The following LOXHD1 variants were observed in gnomAD, a reference collection of about 807,000 sequenced individuals.
LOXHD1 encodes the protein lipoxygenase homology domain-containing protein 1.
A neutral mutation model predicts 248.2 loss-of-function variants in LOXHD1; 205 were observed. The ratio of observed to expected loss-of-function variants is 0.83; its 90% CI spans 0.74 to 0.93. LOXHD1 has a LOEUF of 0.93. LOXHD1 is among the 40% of genes least tolerant of loss of function. The pLI is 0.00. For synonymous variants in LOXHD1, 1,113 were observed against 1,162.8 expected, an observed-to-expected ratio of 0.96 and a Z score of 0.87; for missense variants, 2,930 against 2,971.6, an observed-to-expected ratio of 0.99 and a Z score of 0.33.
At chr18:46,592,611 G>A in intron 10 of LOXHD1, 27 bp from the exon 11 acceptor site, 1 of 1,524,666 alleles carries the variant, frequency 6.6e-7, no homozygotes, top group Non-Finnish European at 8.9e-7. Flanking sequence ...AAACATTTGA[G>A]TGGGCATAAC....
At chr18:46,522,674 C>G (rs191526095) in intron 31 of LOXHD1, among the ~76,000 whole-genome samples, 18 of 152,126 alleles carry the variant, frequency 1.2e-4, no homozygotes, top group African/African-American at 4.3e-4. Flanking sequence ...CAAAAAGCTC[C>G]CTATGGTCAA....
intron 13 of LOXHD1, 31 bp downstream of exon 13, chr18:46,579,599 G>C: frequency 6.4e-7 from 1 of 1,551,568 alleles, no homozygotes. Context: ...TGGGAGGAAG[G>C]GGATGAGTGG....
intron 13 of LOXHD1, 112 bp downstream of exon 13, chr18:46,579,518 C>G (rs2037921432): frequency 7.1e-7 from 1 of 1,417,662 alleles, no homozygotes; most frequent in Non-Finnish European, 9.7e-7. Context: ...CTCCTGATGG[C>G]TGAGGCCCCA....
At chr18:46,523,215 G>A (rs1309570105) in intron 31 of LOXHD1, among the ~76,000 whole-genome samples, 1 of 152,168 alleles carries the variant, frequency 6.6e-6, no homozygotes, top group Non-Finnish European at 1.5e-5. Context: ...CCAAAGTGCT[G>A]GGATTACAGG....
At chr18:46,487,150 A>C (rs1357418885) in intron 38 of LOXHD1, among the ~76,000 whole-genome samples, 1 of 152,186 alleles carries the variant, frequency 6.6e-6, no homozygotes, top group Non-Finnish European at 1.5e-5. Context: ...TAGTCACGCA[A>C]AGGAAGAAGC....
chr18:46,500,780 A>G (rs2034175936), intron 37 of LOXHD1, among the ~76,000 whole-genome samples: 1 of 152,182 alleles, frequency 6.6e-6, no homozygotes, highest in Non-Finnish European at 1.5e-5. Flanking sequence ...GAACATATCA[A>G]GATTTTTTCC....
At chr18:46,649,060 C>T (rs202149837) in intron 2 of LOXHD1, 95 bp downstream of exon 2, 1 of 974,000 alleles carries the variant, frequency 1.0e-6, no homozygotes, top group East Asian at 2.6e-5. Flanking sequence ...GTCAGATGTG[C>T]CTTCTCCCCA....
At chr18:46,599,536 T>C (rs2038304723) in intron 8 of LOXHD1, among the ~76,000 whole-genome samples, 1 of 152,172 alleles carries the variant, frequency 6.6e-6, no homozygotes, top group Non-Finnish European at 1.5e-5. Flanking sequence ...AGCTCTGAGA[T>C]AAGTGGATTT....
At chr18:46,528,189 A>G (rs972149352) in intron 29 of LOXHD1, among the ~76,000 whole-genome samples, 1 of 152,210 alleles carries the variant, frequency 6.6e-6, no homozygotes, top group Non-Finnish European at 1.5e-5. Flanking sequence ...GCACAGCCAC[A>G]GGCAAGAGCA....
At position 46,522,264 on chromosome 18, in the gene LOXHD1, G is replaced by T. The variant is rs992296929; in HGVS notation, c.4922C>A (p.Ala1641Glu). Residue 1641 changes from alanine to glutamate, a missense_variant, in exon 32 of 41, where the codon GCG becomes GAG. Physicochemically the swap from Ala to Glu is moderately radical, Grantham distance 107. Coordinates refer to ENST00000642948, the MANE Select transcript of LOXHD1 (RefSeq NM_001384474.1). ...VSVTTGKHKD[A>E]ATDSRAFIFL... Reference sequence around the variant, plus strand: ...GATGAAGGCTCGGCTGTCAGTGGCCGCGTCCTTGTGCTTCCCAGTGGTGAC... The same window carrying T: ...GATGAAGGCTCGGCTGTCAGTGGCCTCGTCCTTGTGCTTCCCAGTGGTGAC... The T allele has an allele frequency of 1.9e-6, 3 of 1,551,660 alleles. No individual in the cohort carries two copies. The highest frequency in any genetic ancestry group is 2.7e-5 in the African/African-American group (2 of 73,020).
intron 2 of LOXHD1, 53 bp from the exon 3 acceptor site, chr18:46,642,089 G>A (rs2038970150): frequency 6.7e-7 from 1 of 1,498,184 alleles, no homozygotes; most frequent in Non-Finnish European, 9.1e-7. Context: ...CACAGGCCTG[G>A]GAGGAGAGCC....
At chr18:46,609,086 T>G (rs937913531) in intron 6 of LOXHD1, among the ~76,000 whole-genome samples, 3 of 152,206 alleles carry the variant, frequency 2.0e-5, no homozygotes, top group Non-Finnish European at 4.4e-5. Context: ...CAGAAAACAG[T>G]CTTTATGCCC....
At position 46,604,112 on chromosome 18, in the gene LOXHD1, T is replaced by C. The variant is rs1284737623; in HGVS notation, c.877A>G (p.Thr293Ala). The change falls in exon 7 of 41, where the codon ACC becomes GCC. Residue 293 changes from threonine to alanine, a missense_variant. Physicochemically the swap from Thr to Ala is moderately conservative, Grantham distance 58 (BLOSUM62 0). Coordinates refer to ENST00000642948, the MANE Select transcript of LOXHD1 (RefSeq NM_001384474.1). ...QRDILVGGAETTAITYIVTVF... is the reference protein window; with the variant it reads ...QRDILVGGAEATAITYIVTVF... Reference sequence around the variant, plus strand: ...CCCCTTTCTTCAAATCTACCTGTGGTCTCAGCTCCGCCCACTAAGATATCC... The same window carrying C: ...CCCCTTTCTTCAAATCTACCTGTGGCCTCAGCTCCGCCCACTAAGATATCC... 5 of 1,551,614 alleles carry C rather than the reference T, an allele frequency of 3.2e-6. No homozygotes were observed. The highest frequency in any genetic ancestry group is 4.4e-6 in the Non-Finnish European group (5 of 1,146,998).
intron 34 of LOXHD1, among the ~76,000 whole-genome samples, chr18:46,511,665 C>T (rs1240594749): frequency 6.6e-6 from 1 of 152,172 alleles, no homozygotes; most frequent in African/African-American, 2.4e-5. Context: ...GCTACAAAGC[C>T]CGGGAAGGGT....
At chr18:46,561,654 G>C (rs564479197) in intron 18 of LOXHD1, among the ~76,000 whole-genome samples, 4 of 152,216 alleles carry the variant, frequency 2.6e-5, no homozygotes, top group Non-Finnish European at 5.9e-5. Context: ...TCCAGACCTA[G>C]ATGAGAACTC....
At chr18:46,560,052 T>TGCCCCCC in intron 19 of LOXHD1, 31 bp downstream of exon 19, 4 of 441,128 alleles carry the variant, frequency 9.1e-6, no homozygotes, top group Non-Finnish European at 1.4e-5. Context: ...GGCCACTCCC[T>TGCCCCCC]CCCCACCCCC....
At chr18:46,505,774 A>C in intron 37 of LOXHD1, 64 bp downstream of exon 37, 1 of 1,513,840 alleles carries the variant, frequency 6.6e-7, no homozygotes, top group Non-Finnish European at 9.0e-7. Context: ...CAGGGAGGGA[A>C]TAATGGCTCA....
intron 4 of LOXHD1, among the ~76,000 whole-genome samples, chr18:46,620,976 A>G (rs1462306031): frequency 6.6e-6 from 1 of 152,228 alleles, no homozygotes; most frequent in Non-Finnish European, 1.5e-5. Flanking sequence ...TTGGGGAGAC[A>G]GGCCAACTGT....
In LOXHD1 at chr18:46,577,711, G is replaced by C. The variant is rs781736585; in HGVS notation, c.1966C>G (p.Leu656Val). 6 of 1,550,656 alleles carry C rather than the reference G, an allele frequency of 3.9e-6. No individual in the cohort carries two copies. In the South Asian group the frequency reaches 7.1e-5, roughly 18 times the overall value. ...CAGCAGGCAGGACGCATGTACCTGA[G>C]ACATGGGAACTCCACGTTGTCGCTC... ...PESDNVEFPC[L>V]RWLDKDKDDG... is the part of the protein sequence containing the mutation. Residue 656 changes from leucine to valine, a missense_variant, in exon 14 of 41, where the codon CTC becomes GTC. Transcript: ENST00000642948.
Sources: allele counts gnomAD v4.1 joint callset (sites outside exome capture counted in the v4.1 genomes callset), GRCh38; gene constraint gnomAD v4.1.1; transcripts MANE v1.5; gene names NCBI Gene and HGNC (gene_info 2026-07-23, HGNC 2026-07-21).